Variants in SPTA1 observed in about 807,000 individuals in gnomAD.
SPTA1 encodes spectrin alpha, erythrocytic 1.
Under a neutral mutation model 324.7 loss-of-function variants are expected in SPTA1, and 177 were observed. The observed-to-expected ratio is 0.55, with a 90% CI of 0.48 to 0.62. SPTA1 has a LOEUF of 0.62. Among genes scored for constraint, SPTA1 ranks in the 20% least tolerant of loss-of-function variants. The pLI is 0.00. For missense variants in SPTA1, 3,162 were observed against 2,883.6 expected (o/e 1.10, Z -2.21); for synonymous variants, 1,195 against 1,041.3 (o/e 1.15, Z -2.84).
intron 27 of SPTA1, among the ~76,000 whole-genome samples, chr1:158,646,824 T>A (rs10443899): frequency 0.28 from 43,331 of 152,046 alleles, 6,318 homozygotes; most frequent in Middle Eastern, 0.33. Context: ...CTGGACCCTC[T>A]ACTCTAATGC....
At chr1:158,616,227 A>G (rs1260789922) in intron 47 of SPTA1, among the ~76,000 whole-genome samples, 1 of 152,130 alleles carries the variant, frequency 6.6e-6, no homozygotes, top group African/African-American at 2.4e-5. Context: ...ATTACCTTAA[A>G]TATTTGTCTT....
intron 18 of SPTA1, among the ~76,000 whole-genome samples, chr1:158,659,605 T>TTTTTTTTA (rs1653064269): frequency 9.9e-6 from 1 of 100,996 alleles, no homozygotes; most frequent in Non-Finnish European, 2.2e-5. Context: ...ATTTTTTTTT[T>TTTTTTTTA]TTTTTTTTTT....
At chr1:158,651,020 T>A (rs1652388632) in intron 24 of SPTA1, among the ~76,000 whole-genome samples, 1 of 152,198 alleles carries the variant, frequency 6.6e-6, no homozygotes, top group African/African-American at 2.4e-5. Context: ...CAGTGTAATA[T>A]TATCTAAACC....
chr1:158,639,796 C>T (rs758487432), intron 34 of SPTA1, 74 bp downstream of exon 34: 10 of 1,612,490 alleles, frequency 6.2e-6, no homozygotes, highest in South Asian at 2.2e-5. Context: ...AAGGAAATTG[C>T]CCATGGGTAA....
At chr1:158,644,212 C>A (rs769189929) in intron 30 of SPTA1, 41 bp downstream of exon 30, 20 of 1,608,476 alleles carry the variant, frequency 1.2e-5, no homozygotes, top group Non-Finnish European at 1.7e-5. Flanking sequence ...GTTATTATTA[C>A]TACGGATTAT....
At chr1:158,683,311 G>A (rs2101951275) in intron 3 of SPTA1, 60 bp downstream of exon 3, 1 of 1,610,086 alleles carries the variant, frequency 6.2e-7, no homozygotes, top group Non-Finnish European at 8.5e-7. Context: ...CATATAATCA[G>A]TTAAAACCCT....
chr1:158,672,334 A>ACGCCTGTAATCCC, intron 10 of SPTA1, 138 bp from the exon 11 acceptor site: 1 of 842,204 alleles, frequency 1.2e-6, no homozygotes, highest in Non-Finnish European at 1.9e-6. Context: ...TCCAACTTTT[A>ACGCCTGTAATCCC]AGCAAATGAT....
intron 15 of SPTA1, among the ~76,000 whole-genome samples, chr1:158,667,624 ATTT>A (rs932211334): frequency 2.0e-5 from 3 of 151,932 alleles, no homozygotes; most frequent in African/African-American, 7.2e-5. Flanking sequence ...CTGCTAAAAA[ATTT>A]TTTTTTAAAA....
intron 51 of SPTA1, 82 bp from the exon 52 acceptor site, chr1:158,611,471 A>T (rs1649258012): frequency 1.3e-6 from 2 of 1,538,554 alleles, no homozygotes; most frequent in Non-Finnish European, 1.8e-6. Context: ...TTACGCCATA[A>T]ATGCAGGAGA....
Position 158,656,513 on chromosome 1 carries a change from T to G in SPTA1, c.2898+51A>C, listed in dbSNP as rs2101874358. Reference sequence around the variant, plus strand: ...AAAATCAGCAATAAAGACAATTTCTTTTTCTTTGTGGTGGGAAGTGTGAAT... The same window carrying G: ...AAAATCAGCAATAAAGACAATTTCTGTTTCTTTGTGGTGGGAAGTGTGAAT... On this transcript the variant is annotated intron_variant, in intron 20 of 51. Coordinates refer to ENST00000643759, the MANE Select transcript of SPTA1 (RefSeq NM_003126.4). The G allele has an allele frequency of 2.6e-6, 4 of 1,530,726 alleles. No homozygotes were observed. The East Asian group carries it at 9.0e-5, about 34-fold the overall frequency. The allele number at this position is 1,530,726 out of a possible 1,614,324, so 94.8% of individuals were successfully genotyped here.
At chr1:158,646,087 A>G (rs912592366) in intron 27 of SPTA1, among the ~76,000 whole-genome samples, 1 of 152,168 alleles carries the variant, frequency 6.6e-6, no homozygotes, top group Admixed American at 6.5e-5. Context: ...TTTATTCTCA[A>G]GTGAATCTAG....
At chr1:158,627,800 T>C in intron 39 of SPTA1, 77 bp from the exon 40 acceptor site, 1 of 1,388,980 alleles carries the variant, frequency 7.2e-7, no homozygotes, top group Non-Finnish European at 1.0e-6. Flanking sequence ...GACTCACGGG[T>C]CTATTATTCC....
In SPTA1 at chr1:158,611,395, A is replaced by G. The variant is rs749269382; in HGVS notation, c.7135-6T>C. ...ACTTGCTCTGGGGTAAGGGCCTGAA[A>G]AGTATAAAAAGAGAAAAATACAGTT... On this transcript the variant is annotated splice_region_variant and splice_polypyrimidine_tract_variant and intron_variant, in intron 51 of 51. Coordinates refer to ENST00000643759, the MANE Select transcript of SPTA1 (RefSeq NM_003126.4). 1.2e-6 allele frequency: 2 copies of G among 1,613,400 alleles called. No individual in the cohort carries two copies. Among genetic ancestry groups the G allele is most frequent in the East Asian group, 4.5e-5 (2 of 44,864 alleles).
Position 158,685,352 on chromosome 1 carries a change from A to C in SPTA1, c.25-5T>G, listed in dbSNP as rs766829393. ...TGGCCCACTGCTCTCCACAACCTGC[A>C]AGTTAAAAAGATTCTGTTACTTGCT... is the stretch of plus-strand genomic sequence containing the variant. On this transcript the variant is annotated splice_polypyrimidine_tract_variant and splice_region_variant and intron_variant, in intron 1 of 51. Transcript: ENST00000643759. The C allele has an allele frequency of 4.3e-6, 7 of 1,612,772 alleles. No individual in the cohort carries two copies. Among genetic ancestry groups the C allele is most frequent in the Non-Finnish European group, 5.9e-6 (7 of 1,179,744 alleles).
chr1:158,640,736 A>C (rs1341198864), intron 33 of SPTA1, among the ~76,000 whole-genome samples: 1 of 152,208 alleles, frequency 6.6e-6, no homozygotes, highest in Admixed American at 6.5e-5. Context: ...ATACTGCCCA[A>C]GGTAATTTAT....
rs1443866501 is a variant in SPTA1, at chr1:158,662,926, G to T, written c.2240C>A (p.Thr747Lys). The T allele has an allele frequency of 6.2e-7, 1 of 1,614,052 alleles. No individual in the cohort carries two copies. The highest frequency in any genetic ancestry group is 1.1e-5 in the South Asian group (1 of 91,088). The change falls in exon 17 of 52, where the codon ACA becomes AAA. Residue 747 changes from threonine (T) to lysine (K), a missense_variant. By Grantham distance (78) the Thr-to-Lys change is moderately conservative. Transcript: ENST00000643759. Reference protein sequence around the residue: ...AARQDQVDILTDLAAYFEEIG... With the variant: ...AARQDQVDILKDLAAYFEEIG... The stretch of plus-strand genomic sequence containing the variant: ...TTCTTCAAAATATGCAGCCAGGTCT[G>T]TAAGGATATCCACCTGATCCTAAGG...
intron 2 of SPTA1, among the ~76,000 whole-genome samples, chr1:158,684,474 G>C (rs1031227575): frequency 1.7e-4 from 26 of 151,986 alleles, no homozygotes; most frequent in African/African-American, 6.3e-4. Context: ...TTTGCCTGTA[G>C]GTCAATTTCA....
intron 47 of SPTA1, among the ~76,000 whole-genome samples, chr1:158,615,663 C>T (rs889964124): frequency 5.3e-5 from 8 of 151,886 alleles, no homozygotes; most frequent in African/African-American, 1.7e-4. Context: ...CACACACACA[C>T]ATACATCTAT....
At chr1:158,640,096 G>A in intron 33 of SPTA1, 89 bp from the exon 34 acceptor site, 1 of 1,591,744 alleles carries the variant, frequency 6.3e-7, no homozygotes, top group Non-Finnish European at 8.6e-7. Flanking sequence ...AGGCTGTGAA[G>A]GCAGGAACTA....
Sources: allele counts gnomAD v4.1 joint callset (sites outside exome capture counted in the v4.1 genomes callset), GRCh38; gene constraint gnomAD v4.1.1; transcripts MANE v1.5; gene names NCBI Gene and HGNC (gene_info 2026-07-23, HGNC 2026-07-21).